UNC5C: variants seen among roughly 807,000 people sequenced by gnomAD.
The protein encoded by UNC5C is netrin receptor UNC5C.
A neutral mutation model predicts 99.8 loss-of-function variants in UNC5C; 47 were observed. That is an observed-to-expected ratio of 0.47 (90% CI 0.37 to 0.60). The LOEUF (loss-of-function observed/expected upper bound fraction) is 0.60. UNC5C is among the 20% of genes least tolerant of loss of function. The pLI, the probability that UNC5C is intolerant of heterozygous loss-of-function variation, is 0.00. For synonymous variants in UNC5C, 487 were observed against 452.2 expected, an observed-to-expected ratio of 1.08 and a Z score of -0.98; for missense variants, 1,062 against 1,165.9, an observed-to-expected ratio of 0.91 and a Z score of 1.30.
chr4:95,301,410 T>C (rs968616779), intron 3 of UNC5C, among the ~76,000 whole-genome samples, 196 bp downstream of exon 3: 1 of 152,092 alleles, frequency 6.6e-6, no homozygotes, highest in African/African-American at 2.4e-5. Flanking sequence ...TTAGCCAGGA[T>C]GGTCTCGATC....
At chr4:95,440,544 CTT>C (rs1560833429) in intron 1 of UNC5C, among the ~76,000 whole-genome samples, 1 of 152,122 alleles carries the variant, frequency 6.6e-6, no homozygotes, top group Non-Finnish European at 1.5e-5. Context: ...GAAGACTCTA[CTT>C]ACTTCTTTCC....
chr4:95,175,383 G>A (rs941204623), intron 14 of UNC5C, among the ~76,000 whole-genome samples: 9 of 151,678 alleles, frequency 5.9e-5, no homozygotes, highest in Non-Finnish European at 8.8e-5. Flanking sequence ...GGCTGGTACC[G>A]GTTGTTCCTT....
intron 12 of UNC5C, among the ~76,000 whole-genome samples, chr4:95,186,707 G>A (rs1736845690): frequency 6.6e-6 from 1 of 152,192 alleles, no homozygotes; most frequent in South Asian, 2.1e-4. Context: ...TGAGGCAATA[G>A]CACACTGACG....
At chr4:95,197,057 A>G (rs1370551286) in intron 12 of UNC5C, among the ~76,000 whole-genome samples, 1 of 39,090 alleles carries the variant, frequency 2.6e-5, no homozygotes, top group Non-Finnish European at 4.2e-5. Flanking sequence ...TGTAATATAT[A>G]ATATATATTT....
intron 1 of UNC5C, among the ~76,000 whole-genome samples, chr4:95,513,538 T>C (rs1190442681): frequency 6.6e-6 from 1 of 152,190 alleles, no homozygotes; most frequent in Non-Finnish European, 1.5e-5. Flanking sequence ...GTAAATCATA[T>C]TAATTTCCTC....
intron 4 of UNC5C, among the ~76,000 whole-genome samples, chr4:95,268,099 G>A (rs573430858): frequency 6.6e-6 from 1 of 151,854 alleles, no homozygotes; most frequent in Non-Finnish European, 1.5e-5. Context: ...ACAGGCGCCC[G>A]CCACCGCGCC....
chr4:95,245,404 C>T (rs1010745663), intron 5 of UNC5C, among the ~76,000 whole-genome samples: 1 of 152,062 alleles, frequency 6.6e-6, no homozygotes, highest in Non-Finnish European at 1.5e-5. Flanking sequence ...GTTCTCTTTT[C>T]TTTGGCCAGT....
chr4:95,165,796 A>G lies in UNC5C; in HGVS notation c.*3438T>C, dbSNP rs973182221. On this transcript the variant is annotated 3_prime_UTR_variant, in exon 16 of 16. Coordinates refer to ENST00000453304, the MANE Select transcript of UNC5C (RefSeq NM_003728.4). The stretch of plus-strand genomic sequence containing the variant: ...AACTAAAAGGAGATTTAAAGTATAC[A>G]AACCCCAATGAAAACCATAAGTGTT... The G allele has an allele frequency of 2.0e-5, 3 of 152,352 alleles. No homozygotes were observed. The highest frequency in any genetic ancestry group is 2.1e-4 in the South Asian group (1 of 4,826). The allele number at this position is 152,352 out of a possible 1,614,324, so 9.4% of individuals were successfully genotyped here.
chr4:95,535,451 G>A (rs17386118), intron 1 of UNC5C, among the ~76,000 whole-genome samples: 46,472 of 151,946 alleles, frequency 0.31, 8,464 homozygotes, highest in Middle Eastern at 0.43. Flanking sequence ...AGAATAAAAC[G>A]GCACAGCAAC....
At chr4:95,254,445 A>C (rs1739876543) in intron 4 of UNC5C, among the ~76,000 whole-genome samples, 1 of 151,868 alleles carries the variant, frequency 6.6e-6, no homozygotes, top group Admixed American at 6.6e-5. Flanking sequence ...ACCCACAAAA[A>C]CTCCAATTCA....
At chr4:95,289,004 C>T (rs1209428077) in intron 3 of UNC5C, among the ~76,000 whole-genome samples, 1 of 152,180 alleles carries the variant, frequency 6.6e-6, no homozygotes, top group African/African-American at 2.4e-5. Context: ...CCTGGATCTG[C>T]TCTGCCATAG....
intron 7 of UNC5C, among the ~76,000 whole-genome samples, chr4:95,227,442 C>T (rs528818387): frequency 6.2e-4 from 94 of 152,256 alleles, no homozygotes; most frequent in Non-Finnish European, 1.1e-3. Flanking sequence ...TGTGAGCCAT[C>T]GCACCCAGCT....
At chr4:95,296,420 T>G (rs988296421) in intron 3 of UNC5C, among the ~76,000 whole-genome samples, 1 of 152,142 alleles carries the variant, frequency 6.6e-6, no homozygotes, top group Non-Finnish European at 1.5e-5. Context: ...ATGAAGTAAA[T>G]AGCAAAGTTT....
intron 2 of UNC5C, among the ~76,000 whole-genome samples, chr4:95,327,358 T>C (rs1456914106): frequency 2.6e-5 from 4 of 152,166 alleles, no homozygotes; most frequent in African/African-American, 9.7e-5. Context: ...TAAAGTGGTA[T>C]GGGCTTTTTT....
chr4:95,247,597 G>A (rs569096765), intron 5 of UNC5C, among the ~76,000 whole-genome samples: 2 of 152,220 alleles, frequency 1.3e-5, no homozygotes, highest in Admixed American at 1.3e-4. Context: ...AGGAGGCAAG[G>A]GCTCAGAGAA....
intron 1 of UNC5C, among the ~76,000 whole-genome samples, chr4:95,355,454 A>G (rs527328467): frequency 9.2e-5 from 14 of 152,180 alleles, no homozygotes; most frequent in Non-Finnish European, 1.5e-4. Flanking sequence ...CTAGTCTTCT[A>G]AGTTCACCTT....
At chr4:95,335,291 T>C (rs1017050127) in intron 2 of UNC5C, 119 bp downstream of exon 2, 1 of 998,236 alleles carries the variant, frequency 1.0e-6, no homozygotes, top group African/African-American at 1.6e-5. Context: ...AATTCAAAAC[T>C]TTTTGTCAGA....
intron 1 of UNC5C, among the ~76,000 whole-genome samples, chr4:95,463,376 T>G (rs1341756444): frequency 6.6e-6 from 1 of 152,036 alleles, no homozygotes; most frequent in Non-Finnish European, 1.5e-5. Context: ...GCTCTCCTGA[T>G]TTAAAGGGTA....
chr4:95,187,150 C>G (rs939493684), intron 12 of UNC5C, among the ~76,000 whole-genome samples: 1 of 152,158 alleles, frequency 6.6e-6, no homozygotes, highest in Non-Finnish European at 1.5e-5. Flanking sequence ...AGCTGATGTT[C>G]CCAGTGAACC....
Sources: gnomAD v4.1 joint callset for allele counts (sites outside exome capture counted in the v4.1 genomes callset) on GRCh38, gnomAD v4.1.1 for gene constraint, MANE v1.5 for transcripts, NCBI Gene and HGNC (gene_info 2026-07-23, HGNC 2026-07-21) for gene names.